CMSS1: variants seen among roughly 807,000 people sequenced by gnomAD.
CMSS1 encodes cms1 ribosomal small subunit homolog, also known as protein CMSS1.
CMSS1 carries 33 observed loss-of-function variants against 43.5 expected under a neutral mutation model. That is an observed-to-expected ratio of 0.76 (90% CI 0.57 to 1.01). The LOEUF (loss-of-function observed/expected upper bound fraction) is 1.01. CMSS1 is among the 50% of genes least tolerant of loss of function. The pLI is 0.00. For synonymous variants in CMSS1, 115 were observed against 117.2 expected, an observed-to-expected ratio of 0.98 and a Z score of 0.12; for missense variants, 313 against 326.4, an observed-to-expected ratio of 0.96 and a Z score of 0.32.
At chr3:99,988,511 CAAAAAAAAAAA>C (rs757175318) in intron 1 of CMSS1, among the ~76,000 whole-genome samples, 1 of 47,896 alleles carries the variant, frequency 2.1e-5, no homozygotes, top group Admixed American at 2.9e-4. Flanking sequence ...GACTCCATCT[CAAAAAAAAAAA>C]AAAAAAAAGA....
chr3:100,156,467 C>A (rs914969284), intron 2 of CMSS1, among the ~76,000 whole-genome samples: 3 of 151,920 alleles, frequency 2.0e-5, no homozygotes, highest in Non-Finnish European at 4.4e-5. Flanking sequence ...CGCCACCACG[C>A]CCAGCTAATT....
At chr3:99,968,904 C>G (rs1224631496) in intron 1 of CMSS1, among the ~76,000 whole-genome samples, 3 of 152,004 alleles carry the variant, frequency 2.0e-5, no homozygotes, top group Non-Finnish European at 4.4e-5. Context: ...TTTCAAGTCA[C>G]TTGCCTTAGA....
chr3:99,875,275 T>G (rs1028677018), intron 1 of CMSS1, among the ~76,000 whole-genome samples: 1 of 152,212 alleles, frequency 6.6e-6, no homozygotes, highest in Non-Finnish European at 1.5e-5. Context: ...CAATAGCCTC[T>G]TCAGGATTTA....
chr3:99,954,764 T>G (rs1708271971), intron 1 of CMSS1, among the ~76,000 whole-genome samples: 1 of 151,498 alleles, frequency 6.6e-6, no homozygotes, highest in Admixed American at 6.6e-5. Flanking sequence ...AGGTGGAGAT[T>G]GCAGTGAGCT....
At chr3:100,042,626 A>G (rs1456259348) in intron 1 of CMSS1, among the ~76,000 whole-genome samples, 2 of 152,228 alleles carry the variant, frequency 1.3e-5, no homozygotes, top group Non-Finnish European at 2.9e-5. Context: ...AATTCCAACC[A>G]TGCCAGATGA....
At chr3:99,964,650 G>T (rs1708593410) in intron 1 of CMSS1, among the ~76,000 whole-genome samples, 2 of 152,034 alleles carry the variant, frequency 1.3e-5, no homozygotes, top group Admixed American at 1.3e-4. Flanking sequence ...CTAAGCTAGA[G>T]CTTCCCAACC....
At chr3:100,018,924 G>A (rs974824258) in intron 1 of CMSS1, among the ~76,000 whole-genome samples, 3 of 152,028 alleles carry the variant, frequency 2.0e-5, no homozygotes, top group Non-Finnish European at 4.4e-5. Flanking sequence ...AAGATAAATA[G>A]CCAAGAGGTA....
chr3:99,915,928 C>G (rs1300618852), intron 1 of CMSS1, among the ~76,000 whole-genome samples: 1 of 152,184 alleles, frequency 6.6e-6, no homozygotes, highest in East Asian at 1.9e-4. Flanking sequence ...GCTTTCTTGG[C>G]AACTCAAAAA....
chr3:100,037,964 G>A (rs1418212431), intron 1 of CMSS1, among the ~76,000 whole-genome samples: 9 of 124,134 alleles, frequency 7.3e-5, no homozygotes, highest in Non-Finnish European at 1.1e-4. Context: ...TTTGGGGGGG[G>A]AGGGAACAGA....
At chr3:99,897,097 GC>G (rs1706280227) in intron 1 of CMSS1, among the ~76,000 whole-genome samples, 1 of 152,066 alleles carries the variant, frequency 6.6e-6, no homozygotes, top group Admixed American at 6.5e-5. Flanking sequence ...GGTGGCTCAC[GC>G]CTGTAATCCC....
At chr3:100,138,015 C>T (rs1235036989) in intron 1 of CMSS1, among the ~76,000 whole-genome samples, 1 of 152,132 alleles carries the variant, frequency 6.6e-6, no homozygotes, top group Non-Finnish European at 1.5e-5. Flanking sequence ...TGGAACAGAA[C>T]AGTGACCTCA....
At chr3:100,158,819 G>C (rs1282885122) in intron 2 of CMSS1, among the ~76,000 whole-genome samples, 4 of 152,212 alleles carry the variant, frequency 2.6e-5, no homozygotes, top group Admixed American at 6.5e-5. Context: ...TTTATGTCAT[G>C]TTTTAATTAA....
intron 1 of CMSS1, among the ~76,000 whole-genome samples, chr3:99,913,770 A>G (rs1006265995): frequency 6.6e-6 from 1 of 152,232 alleles, no homozygotes; most frequent in Admixed American, 6.5e-5. Context: ...TATAGTGTGA[A>G]AAAGCTGTGA....
intron 1 of CMSS1, among the ~76,000 whole-genome samples, chr3:99,989,681 TA>T (rs371022627): frequency 0.6 from 89,053 of 147,202 alleles, 27,157 homozygotes; most frequent in East Asian, 0.72. Flanking sequence ...TATATATATA[TA>T]TATTTTTTTT....
intron 1 of CMSS1, chr3:99,930,874 C>A (rs377205144): frequency 1.2e-6 from 2 of 1,613,004 alleles, no homozygotes; most frequent in Non-Finnish European, 1.7e-6. Flanking sequence ...CCTTGGGACA[C>A]GGAAGTATTA....
rs772488545 is a variant in CMSS1 at position 100,160,505 on chromosome 3, ATAT to A, written c.225+7_225+9del. On this transcript the variant is annotated splice_donor_5th_base_variant and intron_variant, in intron 3 of 9. Coordinates refer to ENST00000421999, the MANE Select transcript of CMSS1 (RefSeq NM_032359.4). ...CAAGACCAGGAAAAGAAGAAAGGTA[ATAT>A]TAATAATTTCTTAAATTTGTATGGC... 1.9e-5 allele frequency: 26 copies of A among 1,396,242 alleles called. No homozygotes were observed. In the East Asian group the frequency reaches 3.9e-4, roughly 21 times the overall value. 86.5% of individuals were successfully genotyped at this position (1,396,242 alleles called of 1,614,324 possible).
chr3:100,056,722 G>A (rs1026943475), intron 1 of CMSS1, among the ~76,000 whole-genome samples: 4 of 151,292 alleles, frequency 2.6e-5, no homozygotes, highest in East Asian at 3.9e-4. Context: ...AAATGGGGCC[G>A]GGCGCGGTGG....
chr3:100,059,097 C>T (rs2065515580), intron 1 of CMSS1, among the ~76,000 whole-genome samples: 2 of 152,178 alleles, frequency 1.3e-5, no homozygotes, highest in African/African-American at 4.8e-5. Context: ...CAAAGTAAAG[C>T]TTAAAGTTTC....
At chr3:100,124,679 C>T (rs1325948515) in intron 1 of CMSS1, among the ~76,000 whole-genome samples, 1 of 152,138 alleles carries the variant, frequency 6.6e-6, no homozygotes, top group Non-Finnish European at 1.5e-5. Context: ...GGAGGAAATA[C>T]ATCCCCAAAT....
Sources: gnomAD v4.1 joint callset for allele counts (sites outside exome capture counted in the v4.1 genomes callset) on GRCh38, gnomAD v4.1.1 for gene constraint, MANE v1.5 for transcripts, NCBI Gene and HGNC (gene_info 2026-07-23, HGNC 2026-07-21) for gene names.